ISY1: variants seen among roughly 807,000 people sequenced by gnomAD.
ISY1 encodes the protein pre-mRNA-splicing factor ISY1 homolog.
In ISY1, 12 loss-of-function variants were observed where a neutral mutation model predicts 54.4. The observed-to-expected ratio is 0.22, with a 90% confidence interval of 0.14 to 0.36. ISY1 has a LOEUF of 0.36. Among genes scored for constraint, ISY1 ranks in the 10% least tolerant of loss-of-function variants. ISY1 has a pLI of 1.00. For missense variants in ISY1, 282 were observed against 342.2 expected (o/e 0.82, Z 1.39); for synonymous variants, 96 against 117.9 (o/e 0.81, Z 1.20).
chr3:129,138,288 A>G (rs1445989954), intron 7 of ISY1, among the ~76,000 whole-genome samples: 1 of 150,562 alleles, frequency 6.6e-6, no homozygotes, highest in East Asian at 2.0e-4. Flanking sequence ...CTCAAAAAAA[A>G]AAGAGCTCGA....
intron 9 of ISY1, among the ~76,000 whole-genome samples, chr3:129,132,828 G>A (rs1478838398): frequency 6.6e-6 from 1 of 152,242 alleles, no homozygotes; most frequent in African/African-American, 2.4e-5. Flanking sequence ...CTGCCATCCT[G>A]CTTCAGACCT....
intron 10 of ISY1, 65 bp from the exon 11 acceptor site, chr3:129,130,253 C>A: frequency 6.6e-7 from 1 of 1,515,652 alleles, no homozygotes. Context: ...CCAGACCCAG[C>A]CAGGAGGAAG....
At chr3:129,149,805 A>G (rs150071145) in intron 5 of ISY1, among the ~76,000 whole-genome samples, 2,828 of 60,040 alleles carry the variant, frequency 0.047, 125 homozygotes, top group South Asian at 0.15. Context: ...AAAAAAAAAA[A>G]AAAGAAAGAA....
Position 129,156,845 on chromosome 3 carries a change from C to T in ISY1, c.144+10G>A. 1.2e-6 allele frequency: 2 copies of T among 1,612,728 alleles called. No individual in the cohort carries two copies. The highest frequency in any genetic ancestry group is 1.3e-5 in the African/African-American group (1 of 74,934). The stretch of plus-strand genomic sequence containing the variant: ...TACTTCTACTGAAATCAGATTTACC[C>T]AGAACATACCTGTCGTCTCCACTTC... On this transcript the variant is annotated intron_variant, in intron 4 of 10. Coordinates refer to ENST00000393295, the MANE Select transcript of ISY1 (RefSeq NM_020701.4).
At chr3:129,158,932 T>A (rs1184591797) in intron 2 of ISY1, among the ~76,000 whole-genome samples, 1 of 152,192 alleles carries the variant, frequency 6.6e-6, no homozygotes, top group Non-Finnish European at 1.5e-5. Flanking sequence ...GAACAAATGT[T>A]CATCCAGTGT....
At chr3:129,155,691 T>C (rs1205982105) in intron 5 of ISY1, among the ~76,000 whole-genome samples, 2 of 152,168 alleles carry the variant, frequency 1.3e-5, no homozygotes, top group Admixed American at 6.5e-5. Flanking sequence ...GAATCTGTTG[T>C]TATAATCAGA....
intron 7 of ISY1, chr3:129,137,247 T>A (rs2107603864): frequency 1.0e-6 from 1 of 985,648 alleles, no homozygotes; most frequent in Admixed American, 6.2e-5. Context: ...ACCAAACAGA[T>A]AATAATGGTT....
rs1248585695 is a variant in ISY1, at chr3:129,134,845, T to G, written c.528A>C (p.Glu176Asp). 1 of 1,608,808 alleles carries G rather than the reference T, an allele frequency of 6.2e-7. No homozygotes were observed. The highest frequency in any genetic ancestry group is 2.2e-5 in the East Asian group (1 of 44,640). The change falls in exon 8 of 11, where the codon GAA becomes GAC. Residue 176 changes from glutamate (E) to aspartate (D), a missense_variant. Glu to Asp is a conservative substitution (Grantham distance 45). Coordinates refer to ENST00000393295, the MANE Select transcript of ISY1 (RefSeq NM_020701.4). ...CCAGAGACCTACGTTTCTTTTCATA[T>G]TCCTGTTCCAAAGGCACAATAACAC... ...DDGVIVPLEQEYEKKLRAELV... is the reference protein window; with the variant it reads ...DDGVIVPLEQDYEKKLRAELV...
intron 5 of ISY1, among the ~76,000 whole-genome samples, chr3:129,147,881 CA>C (rs1486664917): frequency 1.3e-5 from 2 of 152,046 alleles, no homozygotes; most frequent in Admixed American, 6.6e-5. Context: ...AAAAATTATG[CA>C]GTATTTTGAG....
chr3:129,131,681 A>G (rs1936241319), intron 9 of ISY1, among the ~76,000 whole-genome samples: 1 of 152,242 alleles, frequency 6.6e-6, no homozygotes, highest in Admixed American at 6.5e-5. Context: ...TGGCAAGGGC[A>G]TCATGTTAAG....
At chr3:129,136,109 C>A (rs1936389858) in intron 7 of ISY1, among the ~76,000 whole-genome samples, 1 of 145,448 alleles carries the variant, frequency 6.9e-6, no homozygotes, top group Non-Finnish European at 1.5e-5. Flanking sequence ...TTAAGTAATT[C>A]TTTTTTTTTT....
intron 5 of ISY1, among the ~76,000 whole-genome samples, chr3:129,149,067 C>G (rs1289464566): frequency 1.3e-5 from 2 of 152,040 alleles, no homozygotes; most frequent in Admixed American, 6.6e-5. Flanking sequence ...TTGGGAGACA[C>G]AGACAGGAAG....
intron 7 of ISY1, among the ~76,000 whole-genome samples, chr3:129,139,474 C>A (rs1368400106): frequency 1.3e-5 from 2 of 151,960 alleles, no homozygotes; most frequent in Admixed American, 1.3e-4. Flanking sequence ...TTCTTCTCTG[C>A]CTCTCATACT....
At chr3:129,160,895 T>G in intron 1 of ISY1, 78 bp downstream of exon 1, 1 of 1,522,014 alleles carries the variant, frequency 6.6e-7, no homozygotes, top group Admixed American at 2.0e-5. Context: ...CTCTACCGAA[T>G]GAGCGCCCCA....
rs139113710 is a variant in ISY1 at position 129,160,390 on chromosome 3, G to A, written c.3+583C>T. On this transcript the variant is annotated intron_variant, in intron 1 of 10. Transcript: ENST00000393295. ...TTACACGTCGTAAATGCTTCTTGAA[G>A]AAATGAAGAAACCAACAAATGACGC... Among the ~76,000 whole-genome samples, 1,202 of 151,972 alleles carry A rather than the reference G, an allele frequency of 7.9e-3. 11 individuals are homozygous for A. Among genetic ancestry groups the A allele is most frequent in the Non-Finnish European group, 0.01 (706 of 67,964 alleles).
Position 129,140,417 on chromosome 3 carries a change from A to G in ISY1, c.369T>C (p.Phe123=), listed in dbSNP as rs756459654. The change falls in exon 7 of 11, where the codon TTT becomes TTC. Residue 123 remains phenylalanine (F), a synonymous_variant. Coordinates refer to ENST00000393295, the MANE Select transcript of ISY1 (RefSeq NM_020701.4). ...EVPGNRGYKY[F]GAAKDLPGVR... ...CACCAGGCAAATCTTTTGCTGCTCC[A>G]AAGTACTTGTAACCTCGGTTTCCTG... is the stretch of plus-strand genomic sequence containing the variant. 11 of 1,613,300 alleles carry G rather than the reference A, an allele frequency of 6.8e-6. No individual in the cohort carries two copies. The highest frequency in any genetic ancestry group is 2.2e-5 in the South Asian group (2 of 90,744).
At chr3:129,130,821 T>C (rs1404264901) in intron 9 of ISY1, 185 bp from the exon 10 acceptor site, 3 of 532,036 alleles carry the variant, frequency 5.6e-6, no homozygotes, top group Admixed American at 3.9e-5. Flanking sequence ...CTGTATATTA[T>C]GCTACCTTTT....
chr3:129,135,634 G>A (rs1257330827), intron 7 of ISY1, among the ~76,000 whole-genome samples: 1 of 151,144 alleles, frequency 6.6e-6, no homozygotes, highest in African/African-American at 2.4e-5. Flanking sequence ...CATGGTGGTG[G>A]GGGCCCCTGT....
intron 7 of ISY1, among the ~76,000 whole-genome samples, chr3:129,135,897 G>T (rs558739576): frequency 1.3e-5 from 2 of 152,070 alleles, no homozygotes; most frequent in African/African-American, 4.8e-5. Context: ...GAATATGTAT[G>T]GGATGGGATA....
Sources: gnomAD v4.1 joint callset for allele counts (sites outside exome capture counted in the v4.1 genomes callset) on GRCh38, gnomAD v4.1.1 for gene constraint, MANE v1.5 for transcripts, NCBI Gene and HGNC (gene_info 2026-07-23, HGNC 2026-07-21) for gene names.